The following CHN2 variants were observed in gnomAD, a reference collection of about 807,000 sequenced individuals.
CHN2 encodes beta-chimaerin.
In CHN2, 35 loss-of-function variants were observed where a neutral mutation model predicts 56.3. The observed-to-expected ratio is 0.62, with a 90% confidence interval of 0.47 to 0.82. The LOEUF (loss-of-function observed/expected upper bound fraction) is 0.82. CHN2 is among the 40% of genes least tolerant of loss of function. The pLI is 0.00. For synonymous variants in CHN2, 210 were observed against 212.8 expected (o/e 0.99, Z 0.12); for missense variants, 491 against 580.5 (o/e 0.85, Z 1.58).
chr7:29,159,702 G>A (rs1198257148), intron 2 of CHN2, among the ~76,000 whole-genome samples: 1 of 152,050 alleles, frequency 6.6e-6, no homozygotes, highest in Admixed American at 6.6e-5. Flanking sequence ...CTACCTCACA[G>A]CACACATCCT....
At chr7:29,177,446 G>A (rs972713763) in intron 2 of CHN2, among the ~76,000 whole-genome samples, 7 of 151,880 alleles carry the variant, frequency 4.6e-5, no homozygotes, top group Non-Finnish European at 1.0e-4. Flanking sequence ...TAGAGATGGG[G>A]TTTCACCATG....
At chr7:29,233,852 G>A (rs13233494) in intron 1 of CHN2, among the ~76,000 whole-genome samples, 1 of 3,650 alleles carries the variant, frequency 2.7e-4, no homozygotes, top group East Asian at 0.023. Flanking sequence ...TTTTTTTTTT[G>A]AGATGGAGTC....
Position 29,393,769 on chromosome 7 carries a change from T to C in CHN2, c.176+59T>C. ...TAATAAGTAGTCATTTCATGTGTCA[T>C]TTAAATATTACAAATTTTCTAATAT... On this transcript the variant is annotated intron_variant, in intron 4 of 12. Coordinates refer to ENST00000222792, the MANE Select transcript of CHN2 (RefSeq NM_004067.4). 5 of 601,632 alleles carry C rather than the reference T, an allele frequency of 8.3e-6. No homozygotes were observed. In the South Asian group the frequency reaches 9.3e-5, roughly 11 times the overall value. 37.3% of individuals were successfully genotyped at this position (601,632 alleles called of 1,614,324 possible). A position where few individuals can be genotyped will look rare whatever the true frequency, so the allele number is the denominator to read the frequency against.
rs558845405 is a variant in CHN2, at chr7:29,289,883, G to A, written c.50-64742G>A. ...TACAGCTGTCATTCTTAGTTATCAG[G>A]ACAAGCCTATCAGTAAATCCAAACC... On this transcript the variant is annotated intron_variant, in intron 1 of 12. Transcript: ENST00000222792. Among the ~76,000 whole-genome samples, 20 of 152,294 alleles carry A rather than the reference G, an allele frequency of 1.3e-4. No individual in the cohort carries two copies. The East Asian group carries it at 3.7e-3, about 28-fold the overall frequency.
At chr7:29,436,047 C>T (rs1783198854) in intron 6 of CHN2, among the ~76,000 whole-genome samples, 1 of 152,144 alleles carries the variant, frequency 6.6e-6, no homozygotes, top group South Asian at 2.1e-4. Flanking sequence ...GCAACATCTG[C>T]CCTGTAAACA....
chr7:29,265,798 A>G (rs1207748224), intron 1 of CHN2, among the ~76,000 whole-genome samples: 1 of 152,156 alleles, frequency 6.6e-6, no homozygotes, highest in Non-Finnish European at 1.5e-5. Context: ...TAGTACAGAG[A>G]GCATCCTCTG....
intron 12 of CHN2, 136 bp from the exon 13 acceptor site, chr7:29,512,428 C>T (rs1363294577): frequency 2.8e-6 from 2 of 717,310 alleles, no homozygotes; most frequent in Non-Finnish European, 4.3e-6. Context: ...AAATACCTTT[C>T]TGCTGTTCTG....
intron 2 of CHN2, among the ~76,000 whole-genome samples, chr7:29,151,160 C>T (rs1055944240): frequency 6.6e-6 from 1 of 152,138 alleles, no homozygotes; most frequent in Non-Finnish European, 1.5e-5. Flanking sequence ...CTAAGACTAG[C>T]CACAGGCTAC....
At chr7:29,456,879 C>A (rs1025012920) in intron 6 of CHN2, among the ~76,000 whole-genome samples, 2 of 152,078 alleles carry the variant, frequency 1.3e-5, no homozygotes, top group Non-Finnish European at 2.9e-5. Context: ...ACTTTGTCTC[C>A]AGAAAGCACC....
rs559060796 is a variant in CHN2, at chr7:29,157,979, A to G, written c.274+11019A>G. Reference sequence around the variant, plus strand: ...CACTCCTAAAGAGATGTTTTTTGAAAATGGTTCCAAAGAGAAACGGAAGGA... The same window carrying G: ...CACTCCTAAAGAGATGTTTTTTGAAGATGGTTCCAAAGAGAAACGGAAGGA... On this transcript the variant is annotated intron_variant, in intron 2 of 6. Coordinates refer to the CHN2 transcript ENST00000439384. Among the ~76,000 whole-genome samples, 4 of 152,162 alleles carry G rather than the reference A, an allele frequency of 2.6e-5. No individual in the cohort carries two copies. The East Asian group carries it at 7.7e-4, about 29-fold the overall frequency.
intron 2 of CHN2, among the ~76,000 whole-genome samples, chr7:29,180,694 CTAAT>C (rs1229154799): frequency 3.3e-5 from 5 of 152,114 alleles, no homozygotes; most frequent in Non-Finnish European, 5.9e-5. Flanking sequence ...TTATTACAAA[CTAAT>C]AAGAAGAACA....
chr7:29,333,309 C>G (rs1796365942), intron 1 of CHN2, among the ~76,000 whole-genome samples: 1 of 152,178 alleles, frequency 6.6e-6, no homozygotes, highest in South Asian at 2.1e-4. Flanking sequence ...CCGCCCTTTT[C>G]TGAGCCAACA....
intron 1 of CHN2, among the ~76,000 whole-genome samples, chr7:29,196,694 G>A (rs1296071775): frequency 6.6e-6 from 1 of 152,202 alleles, no homozygotes; most frequent in Non-Finnish European, 1.5e-5. Flanking sequence ...TACAGCTGCT[G>A]TGGCATCTGA....
At chr7:29,246,584 G>A (rs1010117862) in intron 1 of CHN2, among the ~76,000 whole-genome samples, 3 of 152,182 alleles carry the variant, frequency 2.0e-5, no homozygotes, top group Non-Finnish European at 2.9e-5. Flanking sequence ...AGGTAAACAA[G>A]GCACATCCAT....
chr7:29,252,586 T>TG lies in CHN2; in HGVS notation c.49+57596_49+57597insG, dbSNP rs1562866499. Among the ~76,000 whole-genome samples, 18 of 28,904 alleles carry TG rather than the reference T, an allele frequency of 6.2e-4. 5 individuals are homozygous for TG. Among genetic ancestry groups the TG allele is most frequent in the African/African-American group, 4.9e-3 (16 of 3,258 alleles). The allele number at this position is 28,904 out of a possible 152,430, so 19.0% of individuals were successfully genotyped here. On this transcript the variant is annotated intron_variant, in intron 1 of 12. Transcript: ENST00000222792. ...CTAAAATTGCATTCTTTGTTTTTTT[T>TG]TTTTTTTTTTTTTTTTTTTTGAGAC...
chr7:29,292,907 A>G (rs1160014011), intron 1 of CHN2: 1 of 455,974 alleles, frequency 2.2e-6, no homozygotes, highest in East Asian at 6.9e-5. Context: ...GGCTGTTTCC[A>G]CTCTTGCCTC....
chr7:29,285,898 T>C (rs10250407), intron 1 of CHN2, among the ~76,000 whole-genome samples: 4,678 of 152,324 alleles, frequency 0.031, 107 homozygotes, highest in Non-Finnish European at 0.046. Context: ...TAGCACCATA[T>C]TGATGACTAT....
intron 2 of CHN2, 121 bp downstream of exon 2, chr7:29,354,784 C>T: frequency 1.2e-6 from 1 of 835,992 alleles, no homozygotes; most frequent in Non-Finnish European, 1.9e-6. Flanking sequence ...AAACCCAAAT[C>T]TTTCTTTCCA....
chr7:29,372,688 T>C (rs1799710418), intron 3 of CHN2, among the ~76,000 whole-genome samples: 1 of 152,260 alleles, frequency 6.6e-6, no homozygotes, highest in Admixed American at 6.5e-5. Context: ...ATTTACTCAA[T>C]GCTGTTATTA....
Sources: gnomAD v4.1 joint callset for allele counts (sites outside exome capture counted in the v4.1 genomes callset) on GRCh38, gnomAD v4.1.1 for gene constraint, MANE v1.5 for transcripts, NCBI Gene and HGNC (gene_info 2026-07-23, HGNC 2026-07-21) for gene names.